The following TRABD2A variants were observed in gnomAD, a reference collection of about 807,000 sequenced individuals.
TRABD2A encodes TraB domain containing 2A, also known as metalloprotease TIKI1.
In TRABD2A, 43 loss-of-function variants were observed where a neutral mutation model predicts 45.6. That is an observed-to-expected ratio of 0.94 (90% CI 0.74 to 1.22). The LOEUF (loss-of-function observed/expected upper bound fraction) is 1.22, where lower values mean the gene tolerates loss of function less well. Ranked by LOEUF, TRABD2A falls within the 50% of genes most tolerant of loss-of-function variation. The probability of loss-of-function intolerance (pLI) is 0.00; values close to 1 mark genes in which losing one functional copy is unlikely to be tolerated. For synonymous variants in TRABD2A, 269 were observed against 265.0 expected (o/e 1.02, Z -0.15); for missense variants, 642 against 652.4 (o/e 0.98, Z 0.17).
In TRABD2A at chr2:84,870,346, C is replaced by T. The variant is rs755242934; in HGVS notation, c.548G>A (p.Arg183His). Residue 183 changes from arginine (R) to histidine (H), a missense_variant, in exon 2 of 7, where the codon CGT (arginine) becomes CAT (histidine). Physicochemically the swap from Arg to His is conservative, Grantham distance 29. Transcript: ENST00000409520. ...NSLTEVDIKS[R>H]GVPVLDLFLA... ...GAACAGGTCTAAGACAGGCACTCCA[C>T]GGGACTTAATGTCCACTTCAGTCAG... The T allele has an allele frequency of 1.9e-6, 3 of 1,613,924 alleles. No homozygotes were observed. The highest frequency in any genetic ancestry group is 1.6e-4 in the Middle Eastern group (1 of 6,084).
rs572952907 is a variant in TRABD2A, at chr2:84,877,315, C to G, written c.108+3617G>C. Reference sequence around the variant, plus strand: ...CTCTACAAAAAAAAAAAATCCTTCACTACCCCATTTCACTGTTAAAATATA... The same window carrying G: ...CTCTACAAAAAAAAAAAATCCTTCAGTACCCCATTTCACTGTTAAAATATA... On this transcript the variant is annotated intron_variant, in intron 1 of 6. Transcript: ENST00000409520. Among the ~76,000 whole-genome samples the G allele has an allele frequency of 9.9e-4, 151 of 152,182 alleles. 1 individual carries two copies. The highest frequency in any genetic ancestry group is 3.4e-3 in the Middle Eastern group (1 of 294).
chr2:84,880,997 GGAGGCA>G lies in TRABD2A; in HGVS notation c.37_42del (p.Cys13_Leu14del). On this transcript the variant is annotated inframe_deletion, in exon 1 of 7. Coordinates refer to ENST00000409520, the MANE Select transcript of TRABD2A (RefSeq NM_001277053.2). ...CGCCGCGAAGCTGCGCCCGTGGGCA[GGAGGCA>G]GAGGGTCTGCAGCAGGAACCAGCTC... 1 of 1,605,884 alleles carries G rather than the reference GGAGGCA, an allele frequency of 6.2e-7. No individual in the cohort carries two copies. The highest frequency in any genetic ancestry group is 8.5e-7 in the Non-Finnish European group (1 of 1,176,966).
chr2:84,857,449 A>G (rs1424561699), intron 2 of TRABD2A, among the ~76,000 whole-genome samples: 1 of 152,184 alleles, frequency 6.6e-6, no homozygotes, highest in Non-Finnish European at 1.5e-5. Flanking sequence ...CAAAAGCACA[A>G]TAAAGCTAAT....
At chr2:84,844,973 T>G (rs573704638) in intron 2 of TRABD2A, among the ~76,000 whole-genome samples, 1 of 152,362 alleles carries the variant, frequency 6.6e-6, no homozygotes, top group South Asian at 2.1e-4. Flanking sequence ...TCTTGGTATT[T>G]GGAGAAGATT....
chr2:84,866,919 T>C (rs1035023665), intron 2 of TRABD2A, among the ~76,000 whole-genome samples: 6 of 152,142 alleles, frequency 3.9e-5, no homozygotes, highest in African/African-American at 1.4e-4. Flanking sequence ...ACTCCATCTC[T>C]ACTAAAAATA....
intron 2 of TRABD2A, among the ~76,000 whole-genome samples, chr2:84,854,709 C>A (rs1289561337): frequency 6.6e-6 from 1 of 152,214 alleles, no homozygotes; most frequent in African/African-American, 2.4e-5. Context: ...ACCCATGCAA[C>A]TCTAAGGCAA....
intron 5 of TRABD2A, among the ~76,000 whole-genome samples, chr2:84,829,984 G>A (rs1681280303): frequency 6.7e-6 from 1 of 149,308 alleles, no homozygotes; most frequent in African/African-American, 2.5e-5. Context: ...CCACACACCA[G>A]ACACACACAA....
chr2:84,878,136 C>T (rs1683085905), intron 1 of TRABD2A, among the ~76,000 whole-genome samples: 1 of 152,110 alleles, frequency 6.6e-6, no homozygotes, highest in African/African-American at 2.4e-5. Flanking sequence ...GGAAGAAACT[C>T]ATTGAGAGAC....
Position 84,832,852 on chromosome 2 carries a change from T to C in TRABD2A, c.992-707A>G, listed in dbSNP as rs535942688. On this transcript the variant is annotated intron_variant, in intron 4 of 6. Transcript: ENST00000409520. ...TTCCCAACTACAGGATGGAATGCAA[T>C]TGTGCTCTCTGAAAAAACAGGGAGG... 10 of 151,824 alleles carry C rather than the reference T, an allele frequency of 6.6e-5. No homozygotes were observed. The East Asian group carries it at 1.7e-3, about 27-fold the overall frequency. The allele number at this position is 151,824 out of a possible 1,614,324, so 9.4% of individuals were successfully genotyped here.
chr2:84,869,654 ATGAAGGATC>A (rs1682804336), intron 2 of TRABD2A, among the ~76,000 whole-genome samples: 1 of 152,198 alleles, frequency 6.6e-6, no homozygotes, highest in Non-Finnish European at 1.5e-5. Context: ...CAGCTTTTTA[ATGAAGGATC>A]TGAACTAAGA....
chr2:84,832,573 G>C, intron 4 of TRABD2A: 2 of 161,654 alleles, frequency 1.2e-5, no homozygotes, highest in South Asian at 3.5e-4. Flanking sequence ...GCCGAGGCGG[G>C]TGGATCACCT....
intron 5 of TRABD2A, among the ~76,000 whole-genome samples, chr2:84,826,651 C>A (rs1681154237): frequency 6.6e-6 from 1 of 152,230 alleles, no homozygotes; most frequent in Admixed American, 6.5e-5. Context: ...TCTGCCTCAG[C>A]CTCCCAAATA....
At chr2:84,840,395 C>T (rs868519108) in intron 3 of TRABD2A, among the ~76,000 whole-genome samples, 3 of 152,252 alleles carry the variant, frequency 2.0e-5, no homozygotes, top group Middle Eastern at 3.4e-3. Flanking sequence ...GCGTCAGATA[C>T]ACAGGGTGAC....
At chr2:84,862,386 A>T (rs1487150532) in intron 2 of TRABD2A, among the ~76,000 whole-genome samples, 1 of 152,152 alleles carries the variant, frequency 6.6e-6, no homozygotes, top group Non-Finnish European at 1.5e-5. Flanking sequence ...GTCAAGGAAG[A>T]GCTGGCTGCT....
chr2:84,829,389 CACACACACACCA>C (rs1204170132), intron 5 of TRABD2A, among the ~76,000 whole-genome samples: 1 of 119,294 alleles, frequency 8.4e-6, no homozygotes, highest in Non-Finnish European at 1.8e-5. Flanking sequence ...CACACACACA[CACACACACACCA>C]CACACACCAC....
In TRABD2A at chr2:84,880,972, C is replaced by T; in HGVS notation, c.68G>A (p.Arg23His). Residue 23 changes from arginine to histidine, a missense_variant, in exon 1 of 7, where the codon CGC (arginine) becomes CAC (histidine). Coordinates refer to ENST00000409520, the MANE Select transcript of TRABD2A (RefSeq NM_001277053.2). Reference protein sequence around the residue: ...CLLPTGAASRRGAPGTANCEL... With the variant: ...CLLPTGAASRHGAPGTANCEL... ...GCAGTTGGCGGTGCCGGGCGCCCCG[C>T]GCCGCGAAGCTGCGCCCGTGGGCAG... 6.2e-7 allele frequency: 1 copy of T among 1,602,378 alleles called. No individual in the cohort carries two copies. Among genetic ancestry groups the T allele is most frequent in the Non-Finnish European group, 8.5e-7 (1 of 1,175,380 alleles).
In TRABD2A at chr2:84,849,037, T is replaced by A. The variant is rs923461743; in HGVS notation, c.670-7030A>T. 3.9e-5 allele frequency among the ~76,000 whole-genome samples: 6 copies of A among 151,950 alleles called. No homozygotes were observed. In the South Asian group the frequency reaches 1.0e-3, roughly 26 times the overall value. On this transcript the variant is annotated intron_variant, in intron 2 of 6. Coordinates refer to ENST00000409520, the MANE Select transcript of TRABD2A (RefSeq NM_001277053.2). ...AAATCACAGAAATGGAGAAGGAAAA[T>A]TTCTGACTACAAAAAGGGACAAAAT...
At position 84,832,162 on chromosome 2, in the gene TRABD2A, A is replaced by C. The variant is rs775178516; in HGVS notation, c.992-17T>G. 4 of 1,613,610 alleles carry C rather than the reference A, an allele frequency of 2.5e-6. No individual in the cohort carries two copies. Among genetic ancestry groups the C allele is most frequent in the East Asian group, 2.2e-5 (1 of 44,880 alleles). On this transcript the variant is annotated splice_polypyrimidine_tract_variant and intron_variant, in intron 4 of 6. Coordinates refer to ENST00000409520, the MANE Select transcript of TRABD2A (RefSeq NM_001277053.2). ...TGAAATGACCTGCAGTGAGAAAAACAACCTGAAATGCTGCAGCTCTCAGGA... is the reference window on the plus strand; with the variant it reads ...TGAAATGACCTGCAGTGAGAAAAACCACCTGAAATGCTGCAGCTCTCAGGA...
intron 4 of TRABD2A, chr2:84,832,372 C>A: frequency 1.8e-6 from 1 of 545,310 alleles, no homozygotes; most frequent in South Asian, 2.4e-5. Context: ...AAGATCAGAA[C>A]AATGCAGCAA....
Sources: gnomAD v4.1 joint callset for allele counts (sites outside exome capture counted in the v4.1 genomes callset) on GRCh38, gnomAD v4.1.1 for gene constraint, MANE v1.5 for transcripts, NCBI Gene and HGNC (gene_info 2026-07-23, HGNC 2026-07-21) for gene names.